PREX2: variants seen among roughly 807,000 people sequenced by gnomAD.
PREX2 encodes phosphatidylinositol-3,4,5-trisphosphate dependent Rac exchange factor 2.
PREX2 carries 107 observed loss-of-function variants against 203.2 expected under a neutral mutation model. That is an observed-to-expected ratio of 0.53 (90% CI 0.45 to 0.62). The LOEUF (loss-of-function observed/expected upper bound fraction) is 0.62, where lower values mean the gene tolerates loss of function less well. PREX2 is among the 20% of genes least tolerant of loss of function. The pLI is 0.00. For missense variants in PREX2, 1,777 were observed against 1,955.9 expected, an observed-to-expected ratio of 0.91 and a Z score of 1.72; for synonymous variants, 672 against 663.6, an observed-to-expected ratio of 1.01 and a Z score of -0.19.
At chr8:68,187,571 A>G (rs572519077) in intron 35 of PREX2, among the ~76,000 whole-genome samples, 4 of 152,298 alleles carry the variant, frequency 2.6e-5, no homozygotes, top group African/African-American at 9.6e-5. Flanking sequence ...ATCCATTTTG[A>G]AAATAAGAAA....
At chr8:68,110,590 C>T (rs996318934) in intron 25 of PREX2, among the ~76,000 whole-genome samples, 4 of 152,098 alleles carry the variant, frequency 2.6e-5, no homozygotes, top group South Asian at 4.1e-4. Flanking sequence ...TAAATGGCTA[C>T]GGATGTGAAC....
intron 9 of PREX2, among the ~76,000 whole-genome samples, chr8:68,054,569 A>C (rs1049744663): frequency 2.6e-5 from 4 of 152,326 alleles, no homozygotes; most frequent in South Asian, 2.1e-4. Flanking sequence ...AAAATAATAC[A>C]ATGTTGCTCC....
At chr8:67,968,774 A>G (rs1021422060) in intron 1 of PREX2, among the ~76,000 whole-genome samples, 6 of 152,146 alleles carry the variant, frequency 3.9e-5, no homozygotes, top group African/African-American at 1.4e-4. Context: ...TATGCTTTTC[A>G]GGGGAACTGG....
At chr8:68,185,201 T>C (rs1234078301) in intron 35 of PREX2, among the ~76,000 whole-genome samples, 3 of 152,202 alleles carry the variant, frequency 2.0e-5, no homozygotes, top group Non-Finnish European at 4.4e-5. Flanking sequence ...GTTTTTCCTT[T>C]TTCTGCTGAT....
intron 23 of PREX2, among the ~76,000 whole-genome samples, chr8:68,102,605 T>A (rs1246851080): frequency 6.6e-6 from 1 of 152,228 alleles, no homozygotes; most frequent in African/African-American, 2.4e-5. Context: ...TTTAAAACTA[T>A]TATTAGCAAC....
intron 1 of PREX2, among the ~76,000 whole-genome samples, chr8:67,977,485 A>G (rs1379648687): frequency 5.9e-5 from 9 of 152,190 alleles, no homozygotes; most frequent in Admixed American, 5.9e-4. Context: ...TTCTTATAAT[A>G]ACATAGATGT....
At chr8:68,137,603 T>G (rs1477942258) in intron 32 of PREX2, among the ~76,000 whole-genome samples, 1 of 152,158 alleles carries the variant, frequency 6.6e-6, no homozygotes, top group African/African-American at 2.4e-5. Flanking sequence ...ATATTACCTT[T>G]AGAAGATAAG....
At chr8:68,158,924 T>C (rs546234958) in intron 35 of PREX2, among the ~76,000 whole-genome samples, 2 of 152,306 alleles carry the variant, frequency 1.3e-5, no homozygotes, top group South Asian at 4.1e-4. Flanking sequence ...ATGGCTGCTG[T>C]TGCTTGTTGA....
intron 9 of PREX2, among the ~76,000 whole-genome samples, chr8:68,054,956 A>G (rs1013928921): frequency 4.6e-5 from 7 of 152,188 alleles, no homozygotes; most frequent in African/African-American, 1.4e-4. Context: ...ATATCTTATC[A>G]ATAGTGCCTC....
At chr8:68,161,230 G>C (rs1278595019) in intron 35 of PREX2, among the ~76,000 whole-genome samples, 1 of 151,996 alleles carries the variant, frequency 6.6e-6, no homozygotes, top group African/African-American at 2.4e-5. Context: ...AAGTAGCTGG[G>C]ACTACAGGCA....
chr8:67,994,673 G>C, intron 1 of PREX2, among the ~76,000 whole-genome samples: 1 of 152,174 alleles, frequency 6.6e-6, no homozygotes, highest in East Asian at 1.9e-4. Flanking sequence ...CTAGTCCTTT[G>C]CTAGATTCCA....
At chr8:68,148,880 G>A (rs967304312) in intron 34 of PREX2, among the ~76,000 whole-genome samples, 3 of 152,144 alleles carry the variant, frequency 2.0e-5, no homozygotes, top group Non-Finnish European at 2.9e-5. Context: ...ACTCCCATGA[G>A]GAATCATTAG....
intron 17 of PREX2, among the ~76,000 whole-genome samples, chr8:68,081,141 G>T (rs563585950): frequency 6.6e-6 from 1 of 152,082 alleles, no homozygotes; most frequent in Non-Finnish European, 1.5e-5. Context: ...TTCCACAGGC[G>T]GAGGGTGGGG....
intron 33 of PREX2, among the ~76,000 whole-genome samples, chr8:68,140,598 G>GCA (rs899302934): frequency 2.0e-5 from 3 of 152,186 alleles, no homozygotes; most frequent in African/African-American, 7.2e-5. Flanking sequence ...GGAGGACTAA[G>GCA]CACAGAGATG....
At chr8:68,177,319 A>T (rs920829205) in intron 35 of PREX2, 1 of 152,198 alleles carries the variant, frequency 6.6e-6, no homozygotes, top group African/African-American at 2.4e-5. Flanking sequence ...GAGCTTTGGG[A>T]GACTAAGGCA....
rs928941229 is a variant in PREX2, at chr8:68,191,612, T to G, written c.4347-110T>G. 4.0e-5 allele frequency: 30 copies of G among 755,972 alleles called. No individual in the cohort carries two copies. In the African/African-American group the frequency reaches 4.6e-4, roughly 12 times the overall value. The allele number at this position is 755,972 out of a possible 1,614,324, so 46.8% of individuals were successfully genotyped here. On this transcript the variant is annotated intron_variant, in intron 35 of 39. Transcript: ENST00000288368. ...CCCCAACCTTCTAATGTTCAATGCT[T>G]TTGTTTATTCACTTGTTTTTAAAAA...
At chr8:68,218,719 A>T (rs923213165) in intron 38 of PREX2, among the ~76,000 whole-genome samples, 13 of 152,246 alleles carry the variant, frequency 8.5e-5, no homozygotes, top group African/African-American at 2.9e-4. Flanking sequence ...AAAAAGTCAA[A>T]TGAAGAGGCC....
chr8:68,191,282 A>G, intron 35 of PREX2, among the ~76,000 whole-genome samples: 1 of 152,214 alleles, frequency 6.6e-6, no homozygotes. Flanking sequence ...TCTCACAATA[A>G]ATGAAAATTG....
chr8:68,002,314 A>G (rs934586780), intron 1 of PREX2, among the ~76,000 whole-genome samples: 2 of 151,778 alleles, frequency 1.3e-5, no homozygotes, highest in Non-Finnish European at 2.9e-5. Context: ...CACCCGGCTA[A>G]TTTTTGTATT....
Sources: allele counts gnomAD v4.1 joint callset (sites outside exome capture counted in the v4.1 genomes callset), GRCh38; gene constraint gnomAD v4.1.1; transcripts MANE v1.5; gene names NCBI Gene and HGNC (gene_info 2026-07-23, HGNC 2026-07-21).